SPRY3: variants seen among roughly 807,000 people sequenced by gnomAD.
SPRY3 encodes protein sprouty homolog 3.
Under a neutral mutation model 20.2 loss-of-function variants are expected in SPRY3, and 15 were observed. That is an observed-to-expected ratio of 0.74 (90% CI 0.50 to 1.14). The LOEUF is 1.14. SPRY3 is among the 50% of genes most tolerant of loss of function. The pLI is 0.00. For missense variants in SPRY3, 364 were observed against 363.9 expected (o/e 1.00, Z 0.00); for synonymous variants, 143 against 136.5 (o/e 1.05, Z -0.33).
chrX:155,682,966 AC>A lies in SPRY3; in HGVS notation c.-282+25942del, dbSNP rs201197991. On this transcript the variant is annotated intron_variant, in intron 2 of 3. Transcript: ENST00000675360. ...GTTCAAGACTTCAGTGGAGGAAGTA[AC>A]TGCAGATGTGGTAAAAACAGAAAGA... Among the ~76,000 whole-genome samples the A allele has an allele frequency of 6.8e-3, 766 of 111,846 alleles. 6 individuals carry two copies. Among genetic ancestry groups the A allele is most frequent in the African/African-American group, 0.024 (727 of 30,806 alleles).
intron 1 of SPRY3, among the ~76,000 whole-genome samples, chrX:155,629,330 A>G (rs1417085445): frequency 1.8e-5 from 2 of 110,593 alleles, no homozygotes; most frequent in East Asian, 2.9e-4. Context: ...CACAAAGGAC[A>G]TGAACTCATC....
chrX:155,715,793 G>A (rs906469738), intron 2 of SPRY3, among the ~76,000 whole-genome samples: 7 of 152,198 alleles, frequency 4.6e-5, no homozygotes, highest in Non-Finnish European at 1.0e-4. Context: ...TTCCCTCCAT[G>A]CACAGGTGCT....
intron 2 of SPRY3, among the ~76,000 whole-genome samples, chrX:155,756,987 T>C (rs2091285851): frequency 6.6e-6 from 1 of 152,148 alleles, no homozygotes; most frequent in Admixed American, 6.5e-5. Flanking sequence ...TCCCTAATTG[T>C]TTTCCTGCTT....
At chrX:155,665,003 A>G (rs2068020544) in intron 2 of SPRY3, among the ~76,000 whole-genome samples, 1 of 110,817 alleles carries the variant, frequency 9.0e-6, no homozygotes, top group Non-Finnish European at 1.9e-5. Flanking sequence ...ACAACTCACA[A>G]ATGACAAACG....
At chrX:155,653,419 A>T (rs953819986) in intron 1 of SPRY3, among the ~76,000 whole-genome samples, 1 of 111,897 alleles carries the variant, frequency 8.9e-6, no homozygotes, top group African/African-American at 3.2e-5. Context: ...TAATTTTTAT[A>T]CATAATGTTA....
intron 2 of SPRY3, among the ~76,000 whole-genome samples, chrX:155,761,746 C>A (rs1306695621): frequency 6.7e-6 from 1 of 149,748 alleles, no homozygotes; most frequent in East Asian, 1.9e-4. Flanking sequence ...TTAATAGTAG[C>A]CATTCTGACT....
chrX:155,704,233 A>G (rs2090932084), intron 2 of SPRY3, among the ~76,000 whole-genome samples: 1 of 151,886 alleles, frequency 6.6e-6, no homozygotes, highest in Admixed American at 6.6e-5. Context: ...TAAAATAACT[A>G]TGAGTAATTA....
chrX:155,675,897 G>A (rs1346878687), intron 2 of SPRY3, among the ~76,000 whole-genome samples: 1 of 111,269 alleles, frequency 9.0e-6, no homozygotes, highest in Non-Finnish European at 1.9e-5. Context: ...GTTTTCAGTA[G>A]GTAATTAGAT....
At chrX:155,636,491 A>AT (rs1463860971) in intron 1 of SPRY3, among the ~76,000 whole-genome samples, 1 of 111,723 alleles carries the variant, frequency 9.0e-6, no homozygotes, top group Non-Finnish European at 1.9e-5. Flanking sequence ...TGTTTTAGAT[A>AT]TTAACTACAA....
intron 2 of SPRY3, among the ~76,000 whole-genome samples, chrX:155,711,851 T>C (rs1422923691): frequency 6.6e-6 from 1 of 151,540 alleles, no homozygotes; most frequent in African/African-American, 2.4e-5. Flanking sequence ...GCTATAAATT[T>C]TTCTCTAGTA....
chrX:155,741,057 C>G (rs2091202391), intron 2 of SPRY3, among the ~76,000 whole-genome samples: 1 of 152,106 alleles, frequency 6.6e-6, no homozygotes, highest in Non-Finnish European at 1.5e-5. Context: ...CTTCACTAAG[C>G]TAAAGGAGCA....
intron 2 of SPRY3, among the ~76,000 whole-genome samples, chrX:155,709,299 G>A (rs755462951): frequency 1.3e-5 from 2 of 151,614 alleles, no homozygotes; most frequent in Admixed American, 6.6e-5. Flanking sequence ...AATGTATAAA[G>A]GTTCCCTTTT....
chrX:155,653,382 T>C (rs782114904), intron 1 of SPRY3, among the ~76,000 whole-genome samples: 1 of 112,157 alleles, frequency 8.9e-6, no homozygotes, highest in South Asian at 3.7e-4. Flanking sequence ...TTAGCTCTTA[T>C]ATTTAGGTCT....
At chrX:155,756,312 G>T (rs1252662963) in intron 2 of SPRY3, among the ~76,000 whole-genome samples, 1 of 152,050 alleles carries the variant, frequency 6.6e-6, no homozygotes, top group Non-Finnish European at 1.5e-5. Flanking sequence ...ATACAGCTGA[G>T]AAAAGTGAAG....
At chrX:155,767,016 A>G (rs773097126) in intron 2 of SPRY3, among the ~76,000 whole-genome samples, 1 of 152,196 alleles carries the variant, frequency 6.6e-6, no homozygotes, top group South Asian at 2.1e-4. Context: ...TAGAAATGTG[A>G]TTGGCAAAGA....
chrX:155,766,789 C>G (rs1213945611), intron 2 of SPRY3, among the ~76,000 whole-genome samples: 1 of 152,110 alleles, frequency 6.6e-6, no homozygotes. Flanking sequence ...ATCCACAACA[C>G]CTAGCACAAA....
Position 155,706,823 on chromosome X carries a change from TA to T in SPRY3, c.-282+49802del, listed in dbSNP as rs2090955058. 2.6e-5 allele frequency among the ~76,000 whole-genome samples: 4 copies of T among 151,064 alleles called. No homozygotes were observed. In the South Asian group the frequency reaches 8.3e-4, roughly 31 times the overall value. ...AACCATAGCAATGGTACATCTATTT[TA>T]AAATTTTAATCTGTAGTTAAAATTT... On this transcript the variant is annotated intron_variant, in intron 2 of 3. Coordinates refer to ENST00000675360, the Ensembl canonical transcript of SPRY3.
intron 2 of SPRY3, among the ~76,000 whole-genome samples, chrX:155,738,685 C>T (rs891959396): frequency 5.9e-5 from 9 of 152,170 alleles, no homozygotes; most frequent in South Asian, 2.1e-4. Flanking sequence ...TGGGAAACCA[C>T]GCTTTTCCCA....
chrX:155,664,800 G>T (rs1307303050), intron 2 of SPRY3, among the ~76,000 whole-genome samples: 1 of 109,655 alleles, frequency 9.1e-6, no homozygotes, highest in Non-Finnish European at 1.9e-5. Flanking sequence ...GTGTGTGTTT[G>T]TGTATTAGTA....
Sources: gnomAD v4.1 joint callset for allele counts (sites outside exome capture counted in the v4.1 genomes callset) on GRCh38, gnomAD v4.1.1 for gene constraint, MANE v1.5 for transcripts, NCBI Gene and HGNC (gene_info 2026-07-23, HGNC 2026-07-21) for gene names.